The following FAM227A variants were observed in gnomAD, a reference collection of about 807,000 sequenced individuals.
FAM227A encodes the protein family with sequence similarity 227 member A.
FAM227A carries 80 observed loss-of-function variants against 74.7 expected under a neutral mutation model. That is an observed-to-expected ratio of 1.07 (90% CI 0.89 to 1.29). FAM227A has a LOEUF of 1.29. Ranked by LOEUF, FAM227A falls within the 50% of genes most tolerant of loss-of-function variation. FAM227A has a pLI of 0.00. For missense variants in FAM227A, 654 were observed against 683.4 expected (o/e 0.96, Z 0.48); for synonymous variants, 237 against 241.8 (o/e 0.98, Z 0.19).
chr22:38,626,364 G>GGGGATGA, intron 8 of FAM227A, 61 bp from the exon 9 acceptor site: 1 of 1,506,432 alleles, frequency 6.6e-7, no homozygotes, highest in East Asian at 2.5e-5. Flanking sequence ...TACATGATTT[G>GGGGATGA]GGGATGAGGA....
intron 3 of FAM227A, among the ~76,000 whole-genome samples, chr22:38,642,122 G>A (rs2092130130): frequency 6.6e-6 from 1 of 152,188 alleles, no homozygotes; most frequent in African/African-American, 2.4e-5. Flanking sequence ...CCAATAATAA[G>A]TAAAGCTGAA....
intron 11 of FAM227A, among the ~76,000 whole-genome samples, chr22:38,614,871 T>G (rs2091542937): frequency 6.6e-6 from 1 of 152,246 alleles, no homozygotes; most frequent in Non-Finnish European, 1.5e-5. Context: ...GGGTGATGGC[T>G]GTCCCTCTGC....
At position 38,580,510 on chromosome 22, in the gene FAM227A, G is replaced by GT. The variant is rs1478648385; in HGVS notation, c.*5614dup. On this transcript the variant is annotated 3_prime_UTR_variant, in exon 17 of 17. Coordinates refer to ENST00000535113, the MANE Select transcript of FAM227A (RefSeq NM_001013647.2). Reference sequence around the variant, plus strand: ...TAGTATCAAAAGGCATTTAATAGCTGTTTGTCTTTTGTGATGTAAGCAGCC... The same window carrying GT: ...TAGTATCAAAAGGCATTTAATAGCTGTTTTGTCTTTTGTGATGTAAGCAGCC... The GT allele has an allele frequency of 6.7e-6, 1 of 149,272 alleles. No homozygotes were observed. Among genetic ancestry groups the GT allele is most frequent in the Non-Finnish European group, 1.5e-5 (1 of 68,006 alleles). 9.2% of individuals were successfully genotyped at this position (149,272 alleles called of 1,614,324 possible). A position where few individuals can be genotyped will look rare whatever the true frequency, so the allele number is the denominator to read the frequency against.
intron 15 of FAM227A, among the ~76,000 whole-genome samples, chr22:38,595,885 A>G (rs189997331): frequency 5.3e-5 from 8 of 151,940 alleles, no homozygotes; most frequent in East Asian, 3.9e-4. Flanking sequence ...AACAAATTCA[A>G]TGCTACTTTG....
chr22:38,586,333 C>G, intron 16 of FAM227A, 134 bp from the exon 17 acceptor site: 1 of 994,350 alleles, frequency 1.0e-6, no homozygotes, highest in Non-Finnish European at 1.4e-6. Flanking sequence ...GTGCTCCTGC[C>G]TCCAGAGAAA....
Position 38,628,316 on chromosome 22 carries a change from CAG to C in FAM227A, c.646_647del (p.Leu216ValfsTer2), listed in dbSNP as rs1404404906. 1 of 1,551,320 alleles carries C rather than the reference CAG, an allele frequency of 6.4e-7. No homozygotes were observed. The highest frequency in any genetic ancestry group is 8.7e-7 in the Non-Finnish European group (1 of 1,146,816). On this transcript the variant is annotated frameshift_variant, in exon 8 of 17. Transcript: ENST00000535113. LOFTEE classifies it high-confidence loss of function. ...YQPNKELQNN[L>X]FDRIAQHYAL... ...CATAGTGCTGGGCTATCCGGTCAAA[CAG>C]ATTATTCTGGAGCTCCTTGTTTGGC...
rs2091862453 is a variant in FAM227A at position 38,628,900 on chromosome 22, G to C, written c.555C>G (p.Leu185=). The part of the protein sequence containing the change: ...FCSGRELEKF[L]SSSSPRAIWL... ...AGATGGCTCTTGGAGAAGAAGAAGAGAGAAACTTCTCTAATTCTCTACCTG... is the reference window on the plus strand; with the variant it reads ...AGATGGCTCTTGGAGAAGAAGAAGACAGAAACTTCTCTAATTCTCTACCTG... Residue 185 remains leucine, a synonymous_variant, in exon 7 of 17, where the codon CTC becomes CTG. Transcript: ENST00000535113. 5 of 1,541,864 alleles carry C rather than the reference G, an allele frequency of 3.2e-6. No individual in the cohort carries two copies. The South Asian group carries it at 6.1e-5, about 19-fold the overall frequency.
chr22:38,594,901 A>C (rs1246000732), intron 15 of FAM227A, among the ~76,000 whole-genome samples: 2 of 152,292 alleles, frequency 1.3e-5, no homozygotes, highest in African/African-American at 4.8e-5. Context: ...GATCGAGACC[A>C]TCCTGGCTAA....
At chr22:38,646,564 G>C (rs980837692) in intron 2 of FAM227A, among the ~76,000 whole-genome samples, 1 of 151,652 alleles carries the variant, frequency 6.6e-6, no homozygotes, top group Admixed American at 6.6e-5. Flanking sequence ...GCCCGGCCCA[G>C]TATTTCTTAC....
At chr22:38,625,112 G>A (rs185937907) in intron 9 of FAM227A, among the ~76,000 whole-genome samples, 4 of 152,222 alleles carry the variant, frequency 2.6e-5, no homozygotes, top group African/African-American at 4.8e-5. Flanking sequence ...GACATCTGCC[G>A]GGTATGGTGG....
In FAM227A at chr22:38,600,314, A is replaced by ATG. The variant is rs1024615305; in HGVS notation, c.1222-395_1222-394dup. Among the ~76,000 whole-genome samples, 34 of 138,932 alleles carry ATG rather than the reference A, an allele frequency of 2.4e-4. No homozygotes were observed. In the East Asian group the frequency reaches 4.4e-3, roughly 18 times the overall value. The allele number at this position is 138,932 out of a possible 152,430, so 91.1% of individuals were successfully genotyped here. A position where few individuals can be genotyped will look rare whatever the true frequency, so the allele number is the denominator to read the frequency against. ...TATATGTGTGTGTGTATGTGTATGT[A>ATG]TGTATATATATATATATATAATTTT... On this transcript the variant is annotated intron_variant, in intron 13 of 16. Transcript: ENST00000535113.
At chr22:38,605,222 C>A (rs1397478403) in intron 13 of FAM227A, 32 bp downstream of exon 13, 1 of 1,277,130 alleles carries the variant, frequency 7.8e-7, no homozygotes, top group Non-Finnish European at 1.1e-6. Context: ...TTGGAATCAC[C>A]TTTACTATTA....
chr22:38,649,999 A>C (rs1262072022), intron 2 of FAM227A, 28 bp downstream of exon 2: 3 of 1,551,226 alleles, frequency 1.9e-6, no homozygotes, highest in Non-Finnish European at 2.6e-6. Context: ...ATTTGGTCTG[A>C]TTGTAGGTGA....
chr22:38,652,132 G>A (rs1342980919), intron 1 of FAM227A, among the ~76,000 whole-genome samples: 1 of 151,998 alleles, frequency 6.6e-6, no homozygotes, highest in East Asian at 1.9e-4. Context: ...GTTGCAGTGA[G>A]CTGAGATCAT....
At position 38,633,471 on chromosome 22, in the gene FAM227A, A is replaced by G. The variant is rs191458766; in HGVS notation, c.519+2980T>C. Among the ~76,000 whole-genome samples the G allele has an allele frequency of 7.0e-4, 107 of 152,342 alleles. 1 individual carries two copies. The highest frequency in any genetic ancestry group is 2.5e-3 in the African/African-American group (103 of 41,572). On this transcript the variant is annotated intron_variant, in intron 6 of 16. Transcript: ENST00000535113. ...AAACTGTGCAGGAACAGCGGGTCCA[A>G]GAAGCACAACTCCATGTGCTTCTTA...
chr22:38,626,891 A>AAAT (rs1555966996), intron 8 of FAM227A, among the ~76,000 whole-genome samples: 25 of 57,682 alleles, frequency 4.3e-4, no homozygotes, highest in African/African-American at 6.1e-4. Flanking sequence ...AAAAAAAAAA[A>AAAT]ATATATATAT....
chr22:38,606,798 T>C (rs532465225), intron 12 of FAM227A, among the ~76,000 whole-genome samples: 1 of 152,288 alleles, frequency 6.6e-6, no homozygotes, highest in East Asian at 1.9e-4. Context: ...CATCATGTCT[T>C]AAATTTATTT....
rs2090680469 is a variant in FAM227A at position 38,578,523 on chromosome 22, A to G, written c.*7602T>C. 1 of 152,208 alleles carries G rather than the reference A, an allele frequency of 6.6e-6. No individual in the cohort carries two copies. Among genetic ancestry groups the G allele is most frequent in the Non-Finnish European group, 1.5e-5 (1 of 68,050 alleles). 9.4% of individuals were successfully genotyped at this position (152,208 alleles called of 1,614,324 possible). On this transcript the variant is annotated 3_prime_UTR_variant, in exon 17 of 17. Transcript: ENST00000535113. Reference sequence around the variant, plus strand: ...AGTTTATTTTACTAGCATTTATTCAACACTGCTCAATTCCACGTCTCTGCT... The same window carrying G: ...AGTTTATTTTACTAGCATTTATTCAGCACTGCTCAATTCCACGTCTCTGCT...
chr22:38,626,969 T>C lies in FAM227A; in HGVS notation c.727-666A>G, dbSNP rs968529744. Among the ~76,000 whole-genome samples the C allele has an allele frequency of 2.8e-5, 4 of 143,718 alleles. No individual in the cohort carries two copies. In the South Asian group the frequency reaches 6.7e-4, roughly 24 times the overall value. The allele number at this position is 143,718 out of a possible 152,430, so 94.3% of individuals were successfully genotyped here. A position where few individuals can be genotyped will look rare whatever the true frequency, so the allele number is the denominator to read the frequency against. ...GAAATTAGCTAGGTGTGGTGGTGCATGCCTGTAGTCCTAGCTACTCAGGAG... is the reference window on the plus strand; with the variant it reads ...GAAATTAGCTAGGTGTGGTGGTGCACGCCTGTAGTCCTAGCTACTCAGGAG... On this transcript the variant is annotated intron_variant, in intron 8 of 16. Transcript: ENST00000535113.
Sources: gnomAD v4.1 joint callset for allele counts (sites outside exome capture counted in the v4.1 genomes callset) on GRCh38, gnomAD v4.1.1 for gene constraint, MANE v1.5 for transcripts, NCBI Gene and HGNC (gene_info 2026-07-23, HGNC 2026-07-21) for gene names.